The following ST6GAL1 variants were observed in gnomAD, a reference collection of about 807,000 sequenced individuals.
ST6GAL1 encodes the protein beta-galactoside alpha-2,6-sialyltransferase 1.
Under a neutral mutation model 38.0 loss-of-function variants are expected in ST6GAL1, and 20 were observed. That is an observed-to-expected ratio of 0.53 (90% CI 0.37 to 0.77). The LOEUF (loss-of-function observed/expected upper bound fraction) is 0.77. Ranked by LOEUF, ST6GAL1 falls within the 30% of genes least tolerant of loss-of-function variation. The pLI, the probability that ST6GAL1 is intolerant of heterozygous loss-of-function variation, is 0.00. For missense variants in ST6GAL1, 432 were observed against 496.4 expected, an observed-to-expected ratio of 0.87 and a Z score of 1.23; for synonymous variants, 196 against 188.2, an observed-to-expected ratio of 1.04 and a Z score of -0.34.
intron 1 of ST6GAL1, among the ~76,000 whole-genome samples, chr3:186,942,005 C>T (rs1714196007): frequency 6.6e-6 from 1 of 150,416 alleles, no homozygotes; most frequent in East Asian, 1.9e-4. Context: ...GAGCAAGACT[C>T]CGTCTCAAAA....
chr3:187,058,459 A>C (rs2108592739), intron 5 of ST6GAL1, among the ~76,000 whole-genome samples: 1 of 152,238 alleles, frequency 6.6e-6, no homozygotes, highest in African/African-American at 2.4e-5. Flanking sequence ...GAAATTGAGG[A>C]ACTTAACTTA....
intron 2 of ST6GAL1, among the ~76,000 whole-genome samples, chr3:187,011,557 C>A (rs1309446964): frequency 2.6e-5 from 4 of 152,164 alleles, no homozygotes; most frequent in African/African-American, 9.7e-5. Flanking sequence ...GAAGCTGAGG[C>A]TCAGGATGTG....
At chr3:186,974,295 G>C (rs1715449822) in intron 2 of ST6GAL1, among the ~76,000 whole-genome samples, 1 of 152,164 alleles carries the variant, frequency 6.6e-6, no homozygotes, top group Admixed American at 6.5e-5. Flanking sequence ...CACAGGTGCT[G>C]CCGATACTGC....
At chr3:187,070,501 G>A (rs957279744) in intron 5 of ST6GAL1, among the ~76,000 whole-genome samples, 1 of 146,142 alleles carries the variant, frequency 6.8e-6, no homozygotes, top group Non-Finnish European at 1.5e-5. Flanking sequence ...CTTGGCTCAC[G>A]GCAACCTCCG....
chr3:187,047,073 G>T (rs564327624), intron 4 of ST6GAL1, among the ~76,000 whole-genome samples: 1 of 152,188 alleles, frequency 6.6e-6, no homozygotes, highest in East Asian at 1.9e-4. Context: ...AGCCTCCCGA[G>T]TAGCTGGGAC....
chr3:187,039,497 G>C (rs76695387), intron 3 of ST6GAL1, among the ~76,000 whole-genome samples: 9,131 of 152,218 alleles, frequency 0.06, 292 homozygotes, highest in Middle Eastern at 0.12. Context: ...GGGATAGTGC[G>C]GAAGGGGAGG....
At chr3:186,997,231 G>C (rs1398550026) in intron 2 of ST6GAL1, among the ~76,000 whole-genome samples, 1 of 152,226 alleles carries the variant, frequency 6.6e-6, no homozygotes, top group South Asian at 2.1e-4. Flanking sequence ...CATTTATCAA[G>C]CACTGTCATA....
chr3:187,032,567 G>T (rs563919392), intron 2 of ST6GAL1, among the ~76,000 whole-genome samples: 11 of 152,034 alleles, frequency 7.2e-5, no homozygotes, highest in Non-Finnish European at 1.5e-4. Flanking sequence ...TAGAGAAGAA[G>T]GTTGACAAGA....
intron 2 of ST6GAL1, among the ~76,000 whole-genome samples, chr3:187,003,514 C>G (rs1716689008): frequency 6.6e-6 from 1 of 152,292 alleles, no homozygotes; most frequent in East Asian, 1.9e-4. Context: ...TTCAGTTGAT[C>G]AGCATGGTAT....
chr3:186,977,389 T>C (rs1373780830), intron 2 of ST6GAL1, among the ~76,000 whole-genome samples: 1 of 152,232 alleles, frequency 6.6e-6, no homozygotes. Flanking sequence ...AGGGAGAATT[T>C]GGACTCAGTG....
intron 5 of ST6GAL1, among the ~76,000 whole-genome samples, chr3:187,056,109 T>A (rs1455897918): frequency 6.6e-6 from 1 of 152,236 alleles, no homozygotes; most frequent in Non-Finnish European, 1.5e-5. Context: ...GTCTGTTTTA[T>A]CAGAGACTAG....
chr3:187,051,903 C>T (rs1487789629), intron 5 of ST6GAL1, among the ~76,000 whole-genome samples: 1 of 152,084 alleles, frequency 6.6e-6, no homozygotes, highest in African/African-American at 2.4e-5. Flanking sequence ...AATATTCTTG[C>T]CACAGGGTTC....
intron 5 of ST6GAL1, among the ~76,000 whole-genome samples, chr3:187,067,155 T>C (rs1212620869): frequency 6.8e-6 from 1 of 146,718 alleles, no homozygotes; most frequent in African/African-American, 2.5e-5. Context: ...GGTGCGATCT[T>C]GGCTCACTGC....
intron 2 of ST6GAL1, among the ~76,000 whole-genome samples, chr3:187,019,038 T>C (rs1717209598): frequency 6.6e-6 from 1 of 152,150 alleles, no homozygotes; most frequent in Non-Finnish European, 1.5e-5. Flanking sequence ...GGCAATCTCA[T>C]GCCATTCAGA....
chr3:187,024,493 TAGAGAGAG>T (rs61165191), intron 2 of ST6GAL1, among the ~76,000 whole-genome samples: 2,022 of 85,744 alleles, frequency 0.024, 29 homozygotes, highest in East Asian at 0.063. Context: ...TATATATATA[TAGAGAGAG>T]AGAGAGAGAG....
At chr3:187,055,212 G>T (rs1323394904) in intron 5 of ST6GAL1, among the ~76,000 whole-genome samples, 2 of 144,968 alleles carry the variant, frequency 1.4e-5, no homozygotes, top group African/African-American at 5.1e-5. Context: ...AGTCTTGCTA[G>T]CGGTTTATCA....
chr3:186,942,309 A>G (rs778985084), intron 1 of ST6GAL1: 2 of 152,250 alleles, frequency 1.3e-5, no homozygotes, highest in Non-Finnish European at 2.9e-5. Context: ...CCTTGGCTTC[A>G]GCTCCCTTTG....
chr3:187,040,971 G>A (rs781481141), intron 3 of ST6GAL1, among the ~76,000 whole-genome samples: 81 of 152,176 alleles, frequency 5.3e-4, no homozygotes, highest in Non-Finnish European at 9.8e-4. Flanking sequence ...AATTCCCAGG[G>A]AAGAGCCTGG....
chr3:187,035,551 C>G (rs1339543060), intron 2 of ST6GAL1, among the ~76,000 whole-genome samples: 1 of 152,154 alleles, frequency 6.6e-6, no homozygotes, highest in African/African-American at 2.4e-5. Context: ...GGTACCAAAA[C>G]AGACACATAG....
Sources: allele counts gnomAD v4.1 joint callset (sites outside exome capture counted in the v4.1 genomes callset), GRCh38; gene constraint gnomAD v4.1.1; transcripts MANE v1.5; gene names NCBI Gene and HGNC (gene_info 2026-07-23, HGNC 2026-07-21).